NCAPG: variants seen among roughly 807,000 people sequenced by gnomAD.
The protein encoded by NCAPG is non-SMC condensin I complex subunit G, also known as condensin complex subunit 3.
NCAPG carries 69 observed loss-of-function variants against 113.1 expected under a neutral mutation model. The ratio of observed to expected loss-of-function variants is 0.61; its 90% CI spans 0.50 to 0.75. The LOEUF is 0.75. Ranked by LOEUF, NCAPG falls within the 30% of genes least tolerant of loss-of-function variation. The probability of loss-of-function intolerance (pLI) is 0.00; values close to 1 mark genes in which losing one functional copy is unlikely to be tolerated. For missense variants in NCAPG, 1,058 were observed against 1,177.0 expected, an observed-to-expected ratio of 0.90 and a Z score of 1.48; for synonymous variants, 370 against 415.8, an observed-to-expected ratio of 0.89 and a Z score of 1.34.
At chr4:17,840,245 T>A in intron 18 of NCAPG, 36 bp downstream of exon 18, 1 of 1,485,418 alleles carries the variant, frequency 6.7e-7, no homozygotes. Context: ...TATAAGGTTC[T>A]GTTTTTTTTT....
At chr4:17,841,632 C>T (rs1722415987) in intron 19 of NCAPG, 1 of 151,906 alleles carries the variant, frequency 6.6e-6, no homozygotes, top group Admixed American at 6.6e-5. Context: ...CATGAGAACA[C>T]CATCCTTTTT....
chr4:17,834,857 T>G (rs964164981), intron 14 of NCAPG, among the ~76,000 whole-genome samples: 15 of 152,182 alleles, frequency 9.9e-5, no homozygotes, highest in African/African-American at 3.4e-4. Flanking sequence ...TTTTTAAATA[T>G]CTTAATTAAA....
At chr4:17,833,091 A>T (rs1721927776) in intron 13 of NCAPG, among the ~76,000 whole-genome samples, 2 of 152,138 alleles carry the variant, frequency 1.3e-5, no homozygotes, top group Admixed American at 1.3e-4. Flanking sequence ...ACATTAAAGA[A>T]TATAGTAAAT....
At chr4:17,820,506 G>A (rs1321929952) in intron 7 of NCAPG, among the ~76,000 whole-genome samples, 2 of 152,086 alleles carry the variant, frequency 1.3e-5, no homozygotes, top group African/African-American at 2.4e-5. Flanking sequence ...GGAGGCTGAG[G>A]TAGGAGAATA....
In NCAPG at chr4:17,825,599, A is replaced by G. The variant is rs768776726; in HGVS notation, c.1653+38A>G. On this transcript the variant is annotated intron_variant, in intron 11 of 20. Coordinates refer to ENST00000251496, the MANE Select transcript of NCAPG (RefSeq NM_022346.5). Reference sequence around the variant, plus strand: ...TTTTTCATACTAAATCTCAGGTGTTATTAATCATCTCAACTAAATCTTATT... The same window carrying G: ...TTTTTCATACTAAATCTCAGGTGTTGTTAATCATCTCAACTAAATCTTATT... The G allele has an allele frequency of 2.0e-6, 3 of 1,502,498 alleles. No homozygotes were observed. The Admixed American group carries it at 7.0e-5, about 35-fold the overall frequency. The allele number at this position is 1,502,498 out of a possible 1,614,324, so 93.1% of individuals were successfully genotyped here. A position where few individuals can be genotyped will look rare whatever the true frequency, so the allele number is the denominator to read the frequency against.
rs1438786587 is a variant in NCAPG at position 17,844,708 on chromosome 4, T to G, written c.*1283T>G. 6.6e-6 allele frequency: 1 copy of G among 152,402 alleles called. No homozygotes were observed. The highest frequency in any genetic ancestry group is 1.5e-5 in the Non-Finnish European group (1 of 67,892). The allele number at this position is 152,402 out of a possible 1,614,324, so 9.4% of individuals were successfully genotyped here. The stretch of plus-strand genomic sequence containing the variant: ...TGGGAGAAGGACTGAAAAGGTACAT[T>G]AAGTGTGCTGTAAGGAAAAGTCTTA... On this transcript the variant is annotated 3_prime_UTR_variant, in exon 21 of 21. Transcript: ENST00000251496.
At chr4:17,822,415 C>T (rs1467398742) in intron 7 of NCAPG, among the ~76,000 whole-genome samples, 3 of 152,050 alleles carry the variant, frequency 2.0e-5, no homozygotes, top group Admixed American at 1.3e-4. Flanking sequence ...TGGTCTCGAA[C>T]TCCTGACCTT....
Position 17,823,123 on chromosome 4 carries a change from G to A in NCAPG, c.1259G>A (p.Arg420Lys). The A allele has an allele frequency of 6.2e-7, 1 of 1,605,948 alleles. No individual in the cohort carries two copies. The highest frequency in any genetic ancestry group is 8.5e-7 in the Non-Finnish European group (1 of 1,176,674). The change falls in exon 8 of 21, where the codon AGA (arginine) becomes AAA (lysine). Residue 420 changes from arginine to lysine, a missense_variant and splice_region_variant. Coordinates refer to ENST00000251496, the MANE Select transcript of NCAPG (RefSeq NM_022346.5). ...TTGGATACCAGTGAAGAAGGAGGAA[G>A]GTATGTCTAAATGTTAACACTCATT... ...KSLDTSEEGG[R>K]KKLLAVLQEI...
At chr4:17,843,056 C>CTA (rs1722572570) in intron 20 of NCAPG, 1 of 263,204 alleles carries the variant, frequency 3.8e-6, no homozygotes, top group Non-Finnish European at 7.3e-6. Flanking sequence ...GGCTTTTTTT[C>CTA]CTGTATAACA....
chr4:17,834,559 C>A lies in NCAPG; in HGVS notation c.2109+36C>A, dbSNP rs373758121. On this transcript the variant is annotated intron_variant, in intron 14 of 20. Transcript: ENST00000251496. ...ATCCAGTCCTGTGATTATGAAATGT[C>A]ATTTTCAGCATGTATTTGTTTATTA... The A allele has an allele frequency of 7.9e-6, 10 of 1,273,520 alleles. No individual in the cohort carries two copies. In the African/African-American group the frequency reaches 1.1e-4, roughly 14 times the overall value. 78.9% of individuals were successfully genotyped at this position (1,273,520 alleles called of 1,614,324 possible). A position where few individuals can be genotyped will look rare whatever the true frequency, so the allele number is the denominator to read the frequency against.
At chr4:17,817,873 T>G (rs1482539161) in intron 6 of NCAPG, 66 bp from the exon 7 acceptor site, 1 of 1,458,344 alleles carries the variant, frequency 6.9e-7, no homozygotes, top group African/African-American at 1.4e-5. Flanking sequence ...TTCTCATTTT[T>G]GTACTCTTCA....
intron 18 of NCAPG, 29 bp from the exon 19 acceptor site, chr4:17,840,578 T>A: frequency 8.0e-7 from 1 of 1,243,804 alleles, no homozygotes. Context: ...GTTATCTTAT[T>A]TATATTGTTG....
chr4:17,842,871 C>G (rs1237474246), intron 20 of NCAPG: 1 of 164,444 alleles, frequency 6.1e-6, no homozygotes, highest in Non-Finnish European at 1.3e-5. Context: ...TAGTTTTACA[C>G]TGTTGATTAA....
At chr4:17,823,598 A>G (rs774020348) in intron 8 of NCAPG, 49 bp from the exon 9 acceptor site, 1 of 1,534,834 alleles carries the variant, frequency 6.5e-7, no homozygotes, top group Non-Finnish European at 8.9e-7. Flanking sequence ...GTTAGAGATA[A>G]AACATGTTTT....
chr4:17,821,339 T>G (rs1378053604), intron 7 of NCAPG, among the ~76,000 whole-genome samples: 1 of 152,158 alleles, frequency 6.6e-6, no homozygotes, highest in Non-Finnish European at 1.5e-5. Flanking sequence ...AGTCCTAATC[T>G]TGTGGCCAGA....
At chr4:17,835,836 G>A (rs561397442) in intron 14 of NCAPG, among the ~76,000 whole-genome samples, 2 of 152,292 alleles carry the variant, frequency 1.3e-5, no homozygotes, top group East Asian at 1.9e-4. Flanking sequence ...TCCATTTTAT[G>A]TATATATGGT....
intron 18 of NCAPG, 72 bp from the exon 19 acceptor site, chr4:17,840,535 G>A (rs1216726070): frequency 2.2e-6 from 2 of 902,684 alleles, no homozygotes; most frequent in Non-Finnish European, 3.1e-6. Flanking sequence ...ATAAAAACTG[G>A]TCTTAAAAAG....
intron 14 of NCAPG, among the ~76,000 whole-genome samples, chr4:17,835,723 G>A (rs1368176999): frequency 6.6e-6 from 1 of 152,180 alleles, no homozygotes; most frequent in Non-Finnish European, 1.5e-5. Flanking sequence ...GAATCATACA[G>A]TATGTGACCT....
chr4:17,829,287 A>C (rs1266259714), intron 12 of NCAPG, among the ~76,000 whole-genome samples: 3 of 152,222 alleles, frequency 2.0e-5, no homozygotes, highest in Admixed American at 6.5e-5. Context: ...ACTTGGTATT[A>C]GTGAGAAATA....
Sources: gnomAD v4.1 joint callset for allele counts (sites outside exome capture counted in the v4.1 genomes callset) on GRCh38, gnomAD v4.1.1 for gene constraint, MANE v1.5 for transcripts, NCBI Gene and HGNC (gene_info 2026-07-23, HGNC 2026-07-21) for gene names.